The following MYO16 variants were observed in gnomAD, a reference collection of about 807,000 sequenced individuals.
MYO16 encodes unconventional myosin-XVI.
A neutral mutation model predicts 205.3 loss-of-function variants in MYO16; 94 were observed. That is an observed-to-expected ratio of 0.46 (90% CI 0.39 to 0.54). The LOEUF (loss-of-function observed/expected upper bound fraction) is 0.54. Ranked by LOEUF, MYO16 falls within the 20% of genes least tolerant of loss-of-function variation. MYO16 has a pLI of 0.00. For missense variants in MYO16, 2,315 were observed against 2,387.5 expected (o/e 0.97, Z 0.63); for synonymous variants, 988 against 954.0 (o/e 1.04, Z -0.66).
the MYO16 span, among the ~76,000 whole-genome samples, chr13:108,546,379 A>G: frequency 2.0e-5 from 3 of 152,176 alleles, no homozygotes; most frequent in Non-Finnish European, 4.4e-5. Context: ...GGGTGTTGAA[A>G]CAAGATCAAG....
chr13:108,532,483 G>C, the MYO16 span, among the ~76,000 whole-genome samples: 2 of 151,166 alleles, frequency 1.3e-5, no homozygotes, highest in Non-Finnish European at 2.9e-5. Context: ...GAAAGAGATG[G>C]GAGAAATGAA....
intron 2 of MYO16, among the ~76,000 whole-genome samples, chr13:108,668,615 C>T (rs1468002960): frequency 1.3e-5 from 2 of 152,194 alleles, no homozygotes; most frequent in African/African-American, 4.8e-5. Flanking sequence ...CCTCCGTCTC[C>T]AACATCAACA....
chr13:109,149,794 C>CA (rs1222073810), intron 32 of MYO16, among the ~76,000 whole-genome samples: 1 of 152,078 alleles, frequency 6.6e-6, no homozygotes, highest in African/African-American at 2.4e-5. Flanking sequence ...TCTGCAGTAC[C>CA]AGGGATGCAC....
At chr13:108,808,248 A>C (rs1374415591) in intron 7 of MYO16, among the ~76,000 whole-genome samples, 1 of 151,898 alleles carries the variant, frequency 6.6e-6, no homozygotes, top group African/African-American at 2.4e-5. Flanking sequence ...AACTAGGCAT[A>C]GACCTTCCAG....
At chr13:108,632,881 C>G (rs1361469029) in intron 1 of MYO16, among the ~76,000 whole-genome samples, 1 of 152,118 alleles carries the variant, frequency 6.6e-6, no homozygotes. Flanking sequence ...CATGGGCTCA[C>G]AGAACTTTAA....
At chr13:108,714,263 G>A (rs1020268387) in intron 3 of MYO16, among the ~76,000 whole-genome samples, 3 of 152,116 alleles carry the variant, frequency 2.0e-5, no homozygotes, top group African/African-American at 7.2e-5. Flanking sequence ...CACCATGTTC[G>A]CTAGGATAGT....
chr13:108,522,967 A>G, the MYO16 span, among the ~76,000 whole-genome samples: 1 of 152,186 alleles, frequency 6.6e-6, no homozygotes, highest in Non-Finnish European at 1.5e-5. Flanking sequence ...GGGCAGGGGC[A>G]CACACTTCAA....
the MYO16 span, among the ~76,000 whole-genome samples, chr13:108,540,344 A>G: frequency 2.6e-4 from 39 of 152,126 alleles, no homozygotes; most frequent in Non-Finnish European, 8.8e-5. Context: ...GTAGAACTGT[A>G]AAAGAACAGT....
intron 4 of MYO16, among the ~76,000 whole-genome samples, chr13:108,771,072 T>C (rs561502978): frequency 6.6e-6 from 1 of 152,112 alleles, no homozygotes; most frequent in African/African-American, 2.4e-5. Context: ...ATCTAAAGTG[T>C]ATATATTTAG....
At chr13:108,894,378 A>G (rs1279053749) in intron 14 of MYO16, among the ~76,000 whole-genome samples, 1 of 152,182 alleles carries the variant, frequency 6.6e-6, no homozygotes, top group East Asian at 1.9e-4. Context: ...TGTGGTTGAT[A>G]ATAATGGCAT....
chr13:108,563,966 T>C, the MYO16 span, among the ~76,000 whole-genome samples: 4 of 152,198 alleles, frequency 2.6e-5, no homozygotes, highest in Non-Finnish European at 5.9e-5. Flanking sequence ...ACCAACAGTG[T>C]ACTAGGGTTC....
intron 14 of MYO16, among the ~76,000 whole-genome samples, chr13:108,890,104 A>ATTTTT (rs60627565): frequency 0.043 from 4,074 of 94,594 alleles, 148 homozygotes; most frequent in Non-Finnish European, 0.06. Flanking sequence ...TAATTTTTGT[A>ATTTTT]TTTTTTTTTT....
intron 28 of MYO16, among the ~76,000 whole-genome samples, chr13:109,112,510 C>A (rs781224821): frequency 6.6e-6 from 1 of 152,096 alleles, no homozygotes; most frequent in Non-Finnish European, 1.5e-5. Context: ...AATCCTAGCA[C>A]TTTGGGAGGC....
At chr13:108,608,313 C>T (rs1879037046) in intron 1 of MYO16, among the ~76,000 whole-genome samples, 3 of 152,130 alleles carry the variant, frequency 2.0e-5, no homozygotes, top group Admixed American at 2.0e-4. Flanking sequence ...TGGGTGTTTT[C>T]TTGGTTCCTC....
chr13:108,966,717 A>G (rs1213588193), intron 20 of MYO16, among the ~76,000 whole-genome samples: 1 of 152,132 alleles, frequency 6.6e-6, no homozygotes, highest in African/African-American at 2.4e-5. Flanking sequence ...TTTCTTCTCT[A>G]TTTCTCCCAT....
chr13:108,609,980 G>A (rs1022626659), intron 1 of MYO16, among the ~76,000 whole-genome samples: 6 of 151,940 alleles, frequency 3.9e-5, no homozygotes, highest in Non-Finnish European at 5.9e-5. Context: ...TTGTCAGACC[G>A]TCCTGACAAT....
intron 2 of MYO16, among the ~76,000 whole-genome samples, chr13:108,712,329 G>C (rs9555496): frequency 0.037 from 5,647 of 152,302 alleles, 178 homozygotes; most frequent in East Asian, 0.14. Context: ...TGTGAACCTA[G>C]TGAAGTAATT....
chr13:109,157,280 C>T, intron 32 of MYO16, among the ~76,000 whole-genome samples: 1 of 144,912 alleles, frequency 6.9e-6, no homozygotes, highest in African/African-American at 2.5e-5. Flanking sequence ...CCTTATTCTT[C>T]ACAGCATGCC....
rs185915234 is a variant in MYO16 at position 108,812,986 on chromosome 13, C to T, written c.867+6182C>T. Among the ~76,000 whole-genome samples the T allele has an allele frequency of 4.7e-3, 716 of 152,198 alleles. 5 individuals carry two copies. Among genetic ancestry groups the T allele is most frequent in the African/African-American group, 0.016 (683 of 41,512 alleles). ...ATAAATTTCTGTTCATTATAAATTA[C>T]CCAGTCTCAGATATTCCATTATAGC... is the stretch of plus-strand genomic sequence containing the variant. On this transcript the variant is annotated intron_variant, in intron 7 of 34. Coordinates refer to ENST00000457511, the MANE Select transcript of MYO16 (RefSeq NM_001198950.3).
Sources: gnomAD v4.1 joint callset for allele counts (sites outside exome capture counted in the v4.1 genomes callset) on GRCh38, gnomAD v4.1.1 for gene constraint, MANE v1.5 for transcripts, NCBI Gene and HGNC (gene_info 2026-07-23, HGNC 2026-07-21) for gene names.